The following SLC25A21 variants were observed in gnomAD, a reference collection of about 807,000 sequenced individuals.
SLC25A21 encodes mitochondrial 2-oxodicarboxylate carrier.
Under a neutral mutation model 43.8 loss-of-function variants are expected in SLC25A21, and 47 were observed. That is an observed-to-expected ratio of 1.07 (90% CI 0.85 to 1.37). The LOEUF is 1.37. SLC25A21 is among the 40% of genes most tolerant of loss of function. The pLI is 0.00. For missense variants in SLC25A21, 352 were observed against 350.2 expected (o/e 1.00, Z -0.04); for synonymous variants, 131 against 121.3 (o/e 1.08, Z -0.52).
chr14:36,889,704 G>T (rs867164029), intron 1 of SLC25A21, among the ~76,000 whole-genome samples: 30 of 151,378 alleles, frequency 2.0e-4, no homozygotes, highest in African/African-American at 6.5e-4. Context: ...TGTTGTCCAG[G>T]CTGGTCTCAA....
At chr14:37,139,254 T>G (rs761678) in intron 1 of SLC25A21, among the ~76,000 whole-genome samples, 18,833 of 152,072 alleles carry the variant, frequency 0.12, 1,317 homozygotes, top group South Asian at 0.28. Flanking sequence ...CTGCTAAACA[T>G]GTACAATCAT....
At chr14:36,856,334 A>G (rs748322146) in intron 2 of SLC25A21, among the ~76,000 whole-genome samples, 6 of 152,102 alleles carry the variant, frequency 3.9e-5, no homozygotes, top group Non-Finnish European at 8.8e-5. Flanking sequence ...TATTGTTTCT[A>G]TCCTGACCTC....
chr14:36,696,872 T>C (rs143062497), intron 7 of SLC25A21, among the ~76,000 whole-genome samples: 1,674 of 152,304 alleles, frequency 0.011, 28 homozygotes, highest in African/African-American at 0.035. Context: ...CCTGGATTCA[T>C]TGGTTTTTTG....
intron 1 of SLC25A21, among the ~76,000 whole-genome samples, chr14:37,096,294 T>C (rs1262067547): frequency 1.3e-5 from 2 of 152,206 alleles, no homozygotes; most frequent in Non-Finnish European, 2.9e-5. Flanking sequence ...TAGTATACTG[T>C]CTTTGTCCTT....
intron 3 of SLC25A21, among the ~76,000 whole-genome samples, chr14:36,802,467 C>T (rs1416131919): frequency 6.6e-6 from 1 of 152,112 alleles, no homozygotes; most frequent in Non-Finnish European, 1.5e-5. Flanking sequence ...TATATTAATA[C>T]TGAGTGCTAG....
chr14:36,802,435 T>C (rs1414895825), intron 3 of SLC25A21, among the ~76,000 whole-genome samples: 2 of 152,160 alleles, frequency 1.3e-5, no homozygotes, highest in Non-Finnish European at 2.9e-5. Context: ...CTAACAATCA[T>C]TATGTGTATA....
At chr14:36,963,246 G>A (rs960209918) in intron 1 of SLC25A21, among the ~76,000 whole-genome samples, 6 of 151,998 alleles carry the variant, frequency 3.9e-5, no homozygotes, top group African/African-American at 9.7e-5. Flanking sequence ...TAAGCTTATT[G>A]TATTTTTTAA....
At chr14:36,848,569 G>C (rs1444491719) in intron 2 of SLC25A21, among the ~76,000 whole-genome samples, 1 of 152,002 alleles carries the variant, frequency 6.6e-6, no homozygotes, top group Admixed American at 6.6e-5. Context: ...AATGGAGTTT[G>C]GCCCAGAGCA....
intron 2 of SLC25A21, among the ~76,000 whole-genome samples, chr14:36,828,975 C>T (rs373095818): frequency 6.6e-6 from 1 of 152,134 alleles, no homozygotes; most frequent in Admixed American, 6.6e-5. Flanking sequence ...AATCTCACCT[C>T]ACTGCAACCT....
chr14:36,700,774 C>G (rs1441950065), intron 7 of SLC25A21, among the ~76,000 whole-genome samples: 1 of 152,152 alleles, frequency 6.6e-6, no homozygotes, highest in Non-Finnish European at 1.5e-5. Context: ...TTTAATAAAA[C>G]ATAATAAACA....
chr14:37,112,381 G>A (rs1279496960), intron 1 of SLC25A21, among the ~76,000 whole-genome samples: 1 of 152,166 alleles, frequency 6.6e-6, no homozygotes. Flanking sequence ...TAAGAATAAA[G>A]AGGGAGAAAT....
At chr14:36,716,644 C>T (rs908395184) in intron 6 of SLC25A21, among the ~76,000 whole-genome samples, 1 of 152,170 alleles carries the variant, frequency 6.6e-6, no homozygotes, top group Non-Finnish European at 1.5e-5. Context: ...TTTCTGAGAG[C>T]CCAGTACTAC....
chr14:37,172,402 G>A lies in SLC25A21; in HGVS notation c.-52C>T, dbSNP rs547381970. The A allele has an allele frequency of 4.6e-6, 7 of 1,529,436 alleles. No individual in the cohort carries two copies. Among genetic ancestry groups the A allele is most frequent in the Middle Eastern group, 1.7e-4 (1 of 5,924 alleles). 94.7% of individuals were successfully genotyped at this position (1,529,436 alleles called of 1,614,324 possible). ...TGGGCTGAGATGCGTCAACGAGCTCGCAGCCTGCACAGCCTACTGATCCAG... is the reference window on the plus strand; with the variant it reads ...TGGGCTGAGATGCGTCAACGAGCTCACAGCCTGCACAGCCTACTGATCCAG... On this transcript the variant is annotated 5_prime_UTR_variant, in exon 1 of 10. Coordinates refer to ENST00000331299, the MANE Select transcript of SLC25A21 (RefSeq NM_030631.4).
At chr14:36,739,344 T>C (rs553133711) in intron 3 of SLC25A21, among the ~76,000 whole-genome samples, 1 of 152,298 alleles carries the variant, frequency 6.6e-6, no homozygotes, top group East Asian at 1.9e-4. Context: ...AGCCCTAGGA[T>C]AAACTTTTTC....
At chr14:36,729,430 T>A in intron 5 of SLC25A21, 77 bp downstream of exon 5, 2 of 1,139,564 alleles carry the variant, frequency 1.8e-6, no homozygotes, top group South Asian at 3.2e-5. Flanking sequence ...GGCTTGGAAA[T>A]CAAAAGAGTT....
At chr14:37,091,712 C>A (rs567197308) in intron 1 of SLC25A21, among the ~76,000 whole-genome samples, 1 of 152,318 alleles carries the variant, frequency 6.6e-6, no homozygotes, top group African/African-American at 2.4e-5. Context: ...AAACAAATTT[C>A]AGCAAGTAGG....
intron 2 of SLC25A21, among the ~76,000 whole-genome samples, chr14:36,822,006 A>G (rs1182438300): frequency 6.6e-6 from 1 of 152,224 alleles, no homozygotes; most frequent in Non-Finnish European, 1.5e-5. Flanking sequence ...TGTACAAGGA[A>G]CAAGGTTAAG....
At chr14:36,697,737 A>ATTTTTTTTTTTTT (rs1311280396) in intron 7 of SLC25A21, among the ~76,000 whole-genome samples, 2 of 69,894 alleles carry the variant, frequency 2.9e-5, no homozygotes, top group African/African-American at 1.3e-4. Flanking sequence ...TGCAAGCCCT[A>ATTTTTTTTTTTTT]CTTTTTTTTT....
intron 3 of SLC25A21, among the ~76,000 whole-genome samples, chr14:36,742,372 G>A (rs867935700): frequency 5.3e-5 from 8 of 152,048 alleles, no homozygotes; most frequent in Middle Eastern, 3.2e-3. Flanking sequence ...TTGATGGATC[G>A]TGTATCCCAG....
Sources: allele counts gnomAD v4.1 joint callset (sites outside exome capture counted in the v4.1 genomes callset), GRCh38; gene constraint gnomAD v4.1.1; transcripts MANE v1.5; gene names NCBI Gene and HGNC (gene_info 2026-07-23, HGNC 2026-07-21).